FAM120A: variants seen among roughly 807,000 people sequenced by gnomAD.
FAM120A encodes constitutive coactivator of PPAR-gamma-like protein 1.
A neutral mutation model predicts 109.7 loss-of-function variants in FAM120A; 15 were observed. The observed-to-expected ratio is 0.14, with a 90% confidence interval of 0.09 to 0.21. The LOEUF (loss-of-function observed/expected upper bound fraction) is 0.21, where lower values mean the gene tolerates loss of function less well. FAM120A is among the 10% of genes least tolerant of loss of function. The pLI is 1.00. For missense variants in FAM120A, 899 were observed against 1,439.3 expected (o/e 0.62, Z 6.07); for synonymous variants, 493 against 572.8 (o/e 0.86, Z 1.99).
chr9:93,497,402 C>G, intron 3 of FAM120A, 69 bp from the exon 4 acceptor site: 6 of 1,580,472 alleles, frequency 3.8e-6, no homozygotes, highest in Non-Finnish European at 5.1e-6. Context: ...ATTTCTGGCT[C>G]CTGCATTCAG....
chr9:93,528,326 T>C (rs1861175256), intron 8 of FAM120A, among the ~76,000 whole-genome samples: 2 of 152,234 alleles, frequency 1.3e-5, no homozygotes, highest in Admixed American at 1.3e-4. Context: ...TTACACACCA[T>C]TGTAAAGAGT....
At chr9:93,504,701 A>G (rs79419498) in intron 5 of FAM120A, among the ~76,000 whole-genome samples, 11,707 of 152,218 alleles carry the variant, frequency 0.077, 579 homozygotes, top group Non-Finnish European at 0.1. Context: ...TGTTGATGGA[A>G]AATGGACTGT....
At position 93,498,993 on chromosome 9, in the gene FAM120A, C is replaced by T. The variant is rs1859689701; in HGVS notation, c.1030+107C>T. On this transcript the variant is annotated intron_variant, in intron 5 of 17. Coordinates refer to ENST00000277165, the MANE Select transcript of FAM120A (RefSeq NM_014612.5). The surrounding 1 kb of genome is among the most constrained non-coding windows in gnomAD (Gnocchi z 4.4). ...GTTTATGTTTTTGAAACATGATTTT[C>T]TGTAGTTATGCCAGTAAGTATAGCC... is the stretch of plus-strand genomic sequence containing the variant. 6 of 816,088 alleles carry T rather than the reference C, an allele frequency of 7.4e-6. No individual in the cohort carries two copies. The highest frequency in any genetic ancestry group is 6.2e-5 in the Admixed American group (3 of 48,624). The allele number at this position is 816,088 out of a possible 1,614,324, so 50.6% of individuals were successfully genotyped here. A position where few individuals can be genotyped will look rare whatever the true frequency, so the allele number is the denominator to read the frequency against.
chr9:93,468,753 G>A (rs746796962), intron 1 of FAM120A, among the ~76,000 whole-genome samples: 10 of 152,046 alleles, frequency 6.6e-5, no homozygotes, highest in Admixed American at 1.3e-4. Flanking sequence ...GGAGTCTACC[G>A]TGATCCTTTT....
chr9:93,511,602 A>G (rs1860325741), intron 5 of FAM120A, among the ~76,000 whole-genome samples: 1 of 152,228 alleles, frequency 6.6e-6, no homozygotes, highest in Non-Finnish European at 1.5e-5. Flanking sequence ...TATCTTCTGT[A>G]GACTATTGAG....
At chr9:93,529,110 G>A (rs751905472) in intron 8 of FAM120A, among the ~76,000 whole-genome samples, 26 of 152,138 alleles carry the variant, frequency 1.7e-4, no homozygotes, top group Non-Finnish European at 3.1e-4. Context: ...CAACAGGCCC[G>A]CTCTCCTGTG....
At chr9:93,472,967 A>G (rs1858375077) in intron 2 of FAM120A, among the ~76,000 whole-genome samples, 1 of 152,160 alleles carries the variant, frequency 6.6e-6, no homozygotes. Flanking sequence ...CTGCCAGCCC[A>G]TGGGCTGCAG....
intron 1 of FAM120A, chr9:93,453,647 G>A (rs980284106): frequency 1.0e-6 from 1 of 985,404 alleles, no homozygotes; most frequent in Non-Finnish European, 1.2e-6. Context: ...TAAGTCGTGG[G>A]TGGAGGCGGC....
chr9:93,556,639 C>T (rs1862290693), intron 13 of FAM120A, 48 bp downstream of exon 13: 4 of 1,524,754 alleles, frequency 2.6e-6, no homozygotes, highest in Non-Finnish European at 3.6e-6. Context: ...TGAAATAAAG[C>T]TCACTGGTTA....
chr9:93,510,044 C>T (rs536888319), intron 5 of FAM120A, among the ~76,000 whole-genome samples: 9 of 152,256 alleles, frequency 5.9e-5, no homozygotes, highest in Admixed American at 1.3e-4. Flanking sequence ...TGTTAAGCCC[C>T]GGAGGCTGAC....
chr9:93,492,076 G>A (rs1410239645), intron 3 of FAM120A, among the ~76,000 whole-genome samples: 1 of 152,064 alleles, frequency 6.6e-6, no homozygotes, highest in Non-Finnish European at 1.5e-5. Flanking sequence ...TGCTGATGAT[G>A]CCTTTCATGG....
intron 2 of FAM120A, among the ~76,000 whole-genome samples, chr9:93,474,102 A>G (rs995255495): frequency 4.6e-5 from 7 of 152,150 alleles, no homozygotes; most frequent in Non-Finnish European, 1.0e-4. Context: ...CAATTGCAAT[A>G]TGTTGTCAAT....
At chr9:93,556,990 A>G (rs1862303538) in intron 13 of FAM120A, among the ~76,000 whole-genome samples, 1 of 152,200 alleles carries the variant, frequency 6.6e-6, no homozygotes, top group African/African-American at 2.4e-5. Flanking sequence ...ATTCATTATT[A>G]TTGAACTCAC....
intron 1 of FAM120A, among the ~76,000 whole-genome samples, chr9:93,464,587 C>T (rs1000272892): frequency 1.3e-5 from 2 of 152,176 alleles, no homozygotes; most frequent in Admixed American, 6.5e-5. Context: ...TAATGCTCCT[C>T]GGGGTTGTTT....
At chr9:93,493,947 T>C (rs1859456534) in intron 3 of FAM120A, among the ~76,000 whole-genome samples, 1 of 152,230 alleles carries the variant, frequency 6.6e-6, no homozygotes. Context: ...TGGAAGAGTA[T>C]CTGCTTCTGA....
intron 3 of FAM120A, among the ~76,000 whole-genome samples, chr9:93,478,279 G>GTT (rs1051164882): frequency 2.8e-5 from 4 of 142,198 alleles, no homozygotes; most frequent in African/African-American, 1.0e-4. Flanking sequence ...TCATTTATAG[G>GTT]TTTTTTTTTT....
chr9:93,455,878 G>A (rs1328045750), intron 1 of FAM120A, among the ~76,000 whole-genome samples: 2 of 152,150 alleles, frequency 1.3e-5, no homozygotes, highest in Non-Finnish European at 2.9e-5. Flanking sequence ...GGCCAGGCTG[G>A]TCTTGAGCTC....
intron 1 of FAM120A, among the ~76,000 whole-genome samples, chr9:93,466,747 C>T (rs951127416): frequency 3.9e-5 from 6 of 152,114 alleles, no homozygotes; most frequent in South Asian, 2.1e-4. Flanking sequence ...ACCTGAACAC[C>T]GGTTCTCACT....
intron 13 of FAM120A, 21 bp from the exon 14 acceptor site, chr9:93,557,806 A>C: frequency 6.2e-7 from 1 of 1,603,912 alleles, no homozygotes; most frequent in Non-Finnish European, 8.5e-7. Flanking sequence ...GCATTTTCAC[A>C]TGCTGGTCCT....
Sources: gnomAD v4.1 joint callset for allele counts (sites outside exome capture counted in the v4.1 genomes callset) on GRCh38, gnomAD v4.1.1 for gene constraint, Gnocchi (gnomAD v3.1) non-coding constraint, MANE v1.5 for transcripts, NCBI Gene and HGNC (gene_info 2026-07-23, HGNC 2026-07-21) for gene names.